FSTL5: variants seen among roughly 807,000 people sequenced by gnomAD.
FSTL5 encodes the protein follistatin like 5.
Under a neutral mutation model 89.1 loss-of-function variants are expected in FSTL5, and 62 were observed. The observed-to-expected ratio is 0.70, with a 90% CI of 0.57 to 0.86. The LOEUF (loss-of-function observed/expected upper bound fraction) is 0.86, where lower values mean the gene tolerates loss of function less well. Among genes scored for constraint, FSTL5 ranks in the 40% least tolerant of loss-of-function variants. FSTL5 has a pLI of 0.00. For synonymous variants in FSTL5, 383 were observed against 346.2 expected (o/e 1.11, Z -1.18); for missense variants, 1,057 against 1,001.6 (o/e 1.06, Z -0.75).
chr4:161,917,203 G>A (rs933711663), intron 4 of FSTL5, among the ~76,000 whole-genome samples: 4 of 152,050 alleles, frequency 2.6e-5, no homozygotes, highest in African/African-American at 9.7e-5. Context: ...TGATCCACCC[G>A]CCTCGGCCTC....
intron 4 of FSTL5, among the ~76,000 whole-genome samples, chr4:161,906,631 G>A (rs1029869395): frequency 1.3e-5 from 2 of 152,088 alleles, no homozygotes; most frequent in African/African-American, 2.4e-5. Context: ...GGAAACTGAA[G>A]TGAGGGAGGG....
chr4:161,671,920 T>A (rs1479160165), intron 6 of FSTL5, among the ~76,000 whole-genome samples: 1 of 152,092 alleles, frequency 6.6e-6, no homozygotes, highest in South Asian at 2.1e-4. Flanking sequence ...AAATACGAAT[T>A]CCCAGGGCAC....
At chr4:161,537,830 T>C (rs992352266) in intron 10 of FSTL5, among the ~76,000 whole-genome samples, 8 of 152,136 alleles carry the variant, frequency 5.3e-5, no homozygotes, top group African/African-American at 1.9e-4. Context: ...TTGGATACAT[T>C]TGGGGGCCTT....
At chr4:162,122,603 T>C (rs1731913409) in intron 1 of FSTL5, among the ~76,000 whole-genome samples, 1 of 152,102 alleles carries the variant, frequency 6.6e-6, no homozygotes, top group African/African-American at 2.4e-5. Context: ...TTCAATACTA[T>C]CTTCAATAAA....
intron 2 of FSTL5, among the ~76,000 whole-genome samples, chr4:162,084,082 G>T (rs577471119): frequency 6.6e-6 from 1 of 151,712 alleles, no homozygotes; most frequent in East Asian, 1.9e-4. Flanking sequence ...ATGCCCATTC[G>T]AATATTAAAA....
intron 3 of FSTL5, among the ~76,000 whole-genome samples, chr4:161,979,528 G>GTCTC (rs141491973): frequency 1.3e-5 from 2 of 150,172 alleles, no homozygotes; most frequent in African/African-American, 2.4e-5. Context: ...TTTCCTTTCT[G>GTCTC]TCTCTCTCTC....
chr4:162,153,679 ATGTATATAATAATATATATG>A (rs1733329548), intron 1 of FSTL5, among the ~76,000 whole-genome samples: 1 of 134,354 alleles, frequency 7.4e-6, no homozygotes, highest in Admixed American at 7.8e-5. Flanking sequence ...TATATTATAT[ATGTATATAATAATATATATG>A]TATATTATAT....
At chr4:161,602,686 G>A (rs34676809) in intron 7 of FSTL5, among the ~76,000 whole-genome samples, 26,263 of 152,044 alleles carry the variant, frequency 0.17, 2,369 homozygotes, top group Middle Eastern at 0.32. Context: ...ATTACAACAG[G>A]CTTCTTATCA....
intron 4 of FSTL5, among the ~76,000 whole-genome samples, chr4:161,909,741 A>T (rs1733638084): frequency 6.6e-6 from 1 of 152,084 alleles, no homozygotes; most frequent in South Asian, 2.1e-4. Flanking sequence ...CCATGCTCTC[A>T]TCTAAAGCTA....
chr4:161,902,444 T>C (rs1274071488), intron 4 of FSTL5, among the ~76,000 whole-genome samples: 1 of 152,190 alleles, frequency 6.6e-6, no homozygotes, highest in South Asian at 2.1e-4. Flanking sequence ...ATAAAAGAAA[T>C]AGGGCTAACC....
intron 6 of FSTL5, among the ~76,000 whole-genome samples, chr4:161,671,719 T>C (rs982536493): frequency 6.6e-6 from 1 of 152,124 alleles, no homozygotes; most frequent in Non-Finnish European, 1.5e-5. Context: ...CTGCAAATAA[T>C]GACACAGGAT....
intron 1 of FSTL5, among the ~76,000 whole-genome samples, chr4:162,140,352 G>T (rs1732679194): frequency 7.0e-6 from 1 of 143,208 alleles, no homozygotes; most frequent in Non-Finnish European, 1.6e-5. Context: ...ATAGTAAATT[G>T]CCAGTAACAA....
At chr4:161,414,825 G>C (rs1731715790) in intron 15 of FSTL5, among the ~76,000 whole-genome samples, 1 of 152,150 alleles carries the variant, frequency 6.6e-6, no homozygotes, top group African/African-American at 2.4e-5. Context: ...ATGATTCTTT[G>C]TATGGTGAAA....
intron 3 of FSTL5, among the ~76,000 whole-genome samples, chr4:161,986,046 T>C (rs1328080092): frequency 6.6e-6 from 1 of 152,076 alleles, no homozygotes; most frequent in African/African-American, 2.4e-5. Flanking sequence ...ATGAGGTATT[T>C]TCCATGGGAA....
intron 12 of FSTL5, among the ~76,000 whole-genome samples, chr4:161,482,722 A>C (rs2126456292): frequency 6.6e-6 from 1 of 152,254 alleles, no homozygotes; most frequent in African/African-American, 2.4e-5. Flanking sequence ...TTTTGCATAA[A>C]ATTTGGAAAT....
intron 6 of FSTL5, among the ~76,000 whole-genome samples, chr4:161,707,618 G>A (rs969309913): frequency 2.0e-5 from 3 of 151,666 alleles, no homozygotes; most frequent in South Asian, 2.1e-4. Context: ...ATTTTTTCAC[G>A]AAATCTTGCT....
At chr4:161,960,786 T>C (rs957832426) in intron 3 of FSTL5, among the ~76,000 whole-genome samples, 1 of 151,900 alleles carries the variant, frequency 6.6e-6, no homozygotes, top group Non-Finnish European at 1.5e-5. Flanking sequence ...AGCATTAAAA[T>C]AGTAAGGAGA....
At chr4:162,110,498 C>T (rs1731393668) in intron 2 of FSTL5, among the ~76,000 whole-genome samples, 1 of 151,570 alleles carries the variant, frequency 6.6e-6, no homozygotes. Flanking sequence ...TTCTTATAGA[C>T]AAGTTGAATA....
intron 15 of FSTL5, among the ~76,000 whole-genome samples, chr4:161,403,513 T>C (rs918066019): frequency 2.0e-5 from 3 of 152,210 alleles, no homozygotes; most frequent in Admixed American, 2.0e-4. Flanking sequence ...TTTCTGCTTT[T>C]ATGCTATTGT....
Sources: allele counts gnomAD v4.1 joint callset (sites outside exome capture counted in the v4.1 genomes callset), GRCh38; gene constraint gnomAD v4.1.1; transcripts MANE v1.5; gene names NCBI Gene and HGNC (gene_info 2026-07-23, HGNC 2026-07-21).